The following GPC5 variants were observed in gnomAD, a reference collection of about 807,000 sequenced individuals.
GPC5 encodes the protein glypican-5.
Under a neutral mutation model 53.9 loss-of-function variants are expected in GPC5, and 47 were observed. That is an observed-to-expected ratio of 0.87 (90% CI 0.69 to 1.11). GPC5 has a LOEUF of 1.11. Ranked by LOEUF, GPC5 falls within the 50% of genes most tolerant of loss-of-function variation. The probability of loss-of-function intolerance (pLI) is 0.00; values close to 1 mark genes in which losing one functional copy is unlikely to be tolerated. For synonymous variants in GPC5, 286 were observed against 263.3 expected (o/e 1.09, Z -0.84); for missense variants, 748 against 713.1 (o/e 1.05, Z -0.56).
intron 2 of GPC5, among the ~76,000 whole-genome samples, chr13:91,536,060 T>C (rs570798231): frequency 6.6e-6 from 1 of 152,326 alleles, no homozygotes; most frequent in East Asian, 1.9e-4. Flanking sequence ...TTGACTACCA[T>C]TTATGTTTTC....
chr13:92,837,571 T>C (rs1028557170), intron 7 of GPC5, among the ~76,000 whole-genome samples: 2 of 152,114 alleles, frequency 1.3e-5, no homozygotes, highest in Non-Finnish European at 2.9e-5. Context: ...AGATGTCAAA[T>C]TTTCTCTCGA....
chr13:91,585,604 G>C lies in GPC5; in HGVS notation c.326-107583G>C, dbSNP rs529439140. ...TATGCAAAAAAAATCTGTGGCGTTT[G>C]ACCCAAAATAGTGGTTGTGTTTGGG... On this transcript the variant is annotated intron_variant, in intron 2 of 7. Coordinates refer to ENST00000377067, the MANE Select transcript of GPC5 (RefSeq NM_004466.6). Among the ~76,000 whole-genome samples the C allele has an allele frequency of 3.9e-5, 6 of 152,242 alleles. 1 individual carries two copies. The highest frequency in any genetic ancestry group is 1.4e-4 in the African/African-American group (6 of 41,548).
intron 6 of GPC5, among the ~76,000 whole-genome samples, chr13:92,057,064 C>G (rs1353845257): frequency 1.3e-5 from 2 of 152,146 alleles, no homozygotes; most frequent in Non-Finnish European, 1.5e-5. Flanking sequence ...TCCCTGGAAT[C>G]TGGACTGGCT....
chr13:91,913,365 C>T (rs1431088294), intron 6 of GPC5, among the ~76,000 whole-genome samples: 1 of 150,162 alleles, frequency 6.7e-6, no homozygotes, highest in Non-Finnish European at 1.5e-5. Flanking sequence ...TGCCACTACA[C>T]TCCAGTCTGG....
At chr13:92,602,935 T>C (rs1223838381) in intron 7 of GPC5, among the ~76,000 whole-genome samples, 1 of 152,040 alleles carries the variant, frequency 6.6e-6, no homozygotes, top group East Asian at 1.9e-4. Flanking sequence ...GGTGCAAGTA[T>C]CCAAGTCCTC....
intron 7 of GPC5, among the ~76,000 whole-genome samples, chr13:92,574,136 A>G (rs1312023204): frequency 6.6e-6 from 1 of 152,186 alleles, no homozygotes; most frequent in Non-Finnish European, 1.5e-5. Flanking sequence ...TCTTTATAAT[A>G]AAACTTCTCT....
chr13:92,818,009 A>ATT (rs201769060), intron 7 of GPC5, among the ~76,000 whole-genome samples: 44 of 135,468 alleles, frequency 3.2e-4, no homozygotes, highest in Non-Finnish European at 4.5e-4. Flanking sequence ...CCTAAATTGC[A>ATT]TTTTTTTTTT....
At chr13:91,572,201 GTATA>G (rs778254183) in intron 2 of GPC5, among the ~76,000 whole-genome samples, 1 of 124,042 alleles carries the variant, frequency 8.1e-6, no homozygotes, top group African/African-American at 3.2e-5. Flanking sequence ...ACACACATAT[GTATA>G]TATACGTGTA....
intron 6 of GPC5, among the ~76,000 whole-genome samples, chr13:92,093,366 C>G (rs1225671898): frequency 6.6e-6 from 1 of 152,034 alleles, no homozygotes; most frequent in Non-Finnish European, 1.5e-5. Flanking sequence ...ATACATTAAA[C>G]AGTCCTAATG....
chr13:92,865,063 A>C (rs2138859078), intron 7 of GPC5, among the ~76,000 whole-genome samples: 1 of 152,300 alleles, frequency 6.6e-6, no homozygotes, highest in South Asian at 2.1e-4. Flanking sequence ...CTAGATAATA[A>C]GTGATGAATC....
At chr13:92,159,135 T>C (rs546927481) in intron 7 of GPC5, among the ~76,000 whole-genome samples, 5 of 152,212 alleles carry the variant, frequency 3.3e-5, no homozygotes, top group Non-Finnish European at 7.3e-5. Flanking sequence ...GTAAACTACA[T>C]TTCCCAACCT....
chr13:92,090,780 T>A (rs1456992676), intron 6 of GPC5, among the ~76,000 whole-genome samples: 1 of 152,260 alleles, frequency 6.6e-6, no homozygotes, highest in Non-Finnish European at 1.5e-5. Context: ...AATGATGAAC[T>A]AACTTGATTT....
intron 3 of GPC5, among the ~76,000 whole-genome samples, chr13:91,715,504 A>G (rs151236415): frequency 2.0e-5 from 3 of 152,334 alleles, no homozygotes; most frequent in East Asian, 1.9e-4. Flanking sequence ...AAAGAACAAA[A>G]TGTAAATACA....
intron 7 of GPC5, among the ~76,000 whole-genome samples, chr13:92,404,781 A>G (rs557986653): frequency 6.7e-6 from 1 of 149,988 alleles, no homozygotes; most frequent in South Asian, 2.1e-4. Context: ...TTTCCCCGAG[A>G]TAGCTCAACA....
At chr13:91,755,253 T>C (rs1241666307) in intron 4 of GPC5, among the ~76,000 whole-genome samples, 1 of 152,128 alleles carries the variant, frequency 6.6e-6, no homozygotes, top group Admixed American at 6.5e-5. Context: ...ACCTGTCTTC[T>C]TTGATCTCAT....
chr13:91,724,108 G>A (rs2036529011), intron 3 of GPC5, among the ~76,000 whole-genome samples: 1 of 152,140 alleles, frequency 6.6e-6, no homozygotes, highest in Admixed American at 6.5e-5. Flanking sequence ...CAAATTTGTT[G>A]TTATAACAGA....
chr13:92,020,333 G>A (rs1219319259), intron 6 of GPC5, among the ~76,000 whole-genome samples: 1 of 152,110 alleles, frequency 6.6e-6, no homozygotes, highest in Non-Finnish European at 1.5e-5. Context: ...TTAGGAAGGA[G>A]ACATCTCTAG....
intron 7 of GPC5, among the ~76,000 whole-genome samples, chr13:92,850,115 C>CT (rs902424577): frequency 2.0e-4 from 31 of 152,028 alleles, no homozygotes; most frequent in South Asian, 1.2e-3. Context: ...AATATACAAC[C>CT]TTTTTTTTAA....
chr13:92,525,745 G>C (rs1459587424), intron 7 of GPC5, among the ~76,000 whole-genome samples: 2 of 151,878 alleles, frequency 1.3e-5, no homozygotes, highest in Non-Finnish European at 2.9e-5. Context: ...AAAAGTGAAG[G>C]GAGCTCACTT....
Sources: allele counts gnomAD v4.1 joint callset (sites outside exome capture counted in the v4.1 genomes callset), GRCh38; gene constraint gnomAD v4.1.1; transcripts MANE v1.5; gene names NCBI Gene and HGNC (gene_info 2026-07-23, HGNC 2026-07-21).